KALRN: variants seen among roughly 807,000 people sequenced by gnomAD.
KALRN encodes kalirin.
KALRN carries 70 observed loss-of-function variants against 353.7 expected under a neutral mutation model. That is an observed-to-expected ratio of 0.20 (90% confidence interval 0.16 to 0.24). The LOEUF is 0.24. Among genes scored for constraint, KALRN ranks in the 10% least tolerant of loss-of-function variants. KALRN has a pLI of 1.00. For synonymous variants in KALRN, 1,391 were observed against 1,434.8 expected (o/e 0.97, Z 0.69); for missense variants, 2,791 against 3,756.7 (o/e 0.74, Z 6.72).
intron 1 of KALRN, among the ~76,000 whole-genome samples, chr3:124,048,684 C>T (rs1042960499): frequency 2.6e-5 from 4 of 152,060 alleles, no homozygotes; most frequent in Non-Finnish European, 4.4e-5. Context: ...GGGGTTTCAC[C>T]GTGTTAGCCA....
At chr3:124,051,942 C>A (rs1559875174) in intron 1 of KALRN, among the ~76,000 whole-genome samples, 2 of 152,164 alleles carry the variant, frequency 1.3e-5, no homozygotes, top group East Asian at 1.9e-4. Flanking sequence ...GCAAGTGTGT[C>A]CCTCTCTGAG....
chr3:124,488,321 TG>T lies in KALRN; in HGVS notation c.4396+7del. On this transcript the variant is annotated splice_region_variant and intron_variant, in intron 29 of 59. Transcript: ENST00000682506. ...GCATGTCAGCATGCTGGAAGGTAGC[TG>T]TCCTCCCAGCACTGGGGAAGCCTCC... is the stretch of plus-strand genomic sequence containing the variant. 1 of 1,579,336 alleles carries T rather than the reference TG, an allele frequency of 6.3e-7. No homozygotes were observed.
intron 3 of KALRN, among the ~76,000 whole-genome samples, chr3:124,261,683 C>G (rs1560393422): frequency 1.3e-5 from 2 of 152,154 alleles, no homozygotes; most frequent in African/African-American, 2.4e-5. Flanking sequence ...GGTAGCAACA[C>G]AGAATATTTG....
At chr3:124,217,453 T>A (rs1173371756) in intron 1 of KALRN, among the ~76,000 whole-genome samples, 1 of 152,186 alleles carries the variant, frequency 6.6e-6, no homozygotes, top group East Asian at 1.9e-4. Flanking sequence ...TTCCATGGGA[T>A]CTGTGTATGT....
At chr3:124,415,576 G>T (rs2092449640) in intron 14 of KALRN, among the ~76,000 whole-genome samples, 1 of 152,222 alleles carries the variant, frequency 6.6e-6, no homozygotes, top group Non-Finnish European at 1.5e-5. Flanking sequence ...TTAAAGCCCT[G>T]TACACAAGAG....
chr3:124,298,951 G>A (rs747021896), intron 6 of KALRN, 38 bp downstream of exon 6: 2 of 1,613,308 alleles, frequency 1.2e-6, no homozygotes, highest in Non-Finnish European at 1.7e-6. Flanking sequence ...GCCTCTGGGA[G>A]TGGGAGAGTG....
intron 33 of KALRN, among the ~76,000 whole-genome samples, chr3:124,535,802 C>G (rs764583371): frequency 6.6e-6 from 1 of 152,026 alleles, no homozygotes; most frequent in Non-Finnish European, 1.5e-5. Context: ...TTTCACATAA[C>G]AGATAACTGC....
chr3:124,468,076 C>A (rs529154546), intron 25 of KALRN, among the ~76,000 whole-genome samples: 1 of 152,102 alleles, frequency 6.6e-6, no homozygotes, highest in South Asian at 2.1e-4. Context: ...TAGACCTTCC[C>A]AGAGCTACCA....
chr3:124,287,422 C>T (rs561305763), intron 5 of KALRN, among the ~76,000 whole-genome samples: 1 of 151,944 alleles, frequency 6.6e-6, no homozygotes, highest in East Asian at 1.9e-4. Context: ...CTTACCAGTC[C>T]CTGAACGCTG....
intron 32 of KALRN, among the ~76,000 whole-genome samples, chr3:124,495,957 G>GTGTA (rs1377097482): frequency 5.4e-4 from 24 of 44,228 alleles, no homozygotes; most frequent in Admixed American, 1.0e-3. Context: ...GTGTGTATGT[G>GTGTA]TATGTATGTA....
intron 17 of KALRN, 83 bp from the exon 18 acceptor site, chr3:124,438,805 G>A (rs1007306279): frequency 1.8e-5 from 22 of 1,246,892 alleles, no homozygotes; most frequent in East Asian, 2.5e-5. Context: ...TGTCATATGT[G>A]TAGGCTTCTA....
intron 38 of KALRN, 151 bp downstream of exon 38, chr3:124,651,089 T>C: frequency 4.3e-6 from 4 of 933,544 alleles, no homozygotes; most frequent in Non-Finnish European, 6.2e-6. Flanking sequence ...ATAGCACTGA[T>C]AAACATTGAG....
At chr3:124,395,813 G>A (rs953167425) in intron 12 of KALRN, among the ~76,000 whole-genome samples, 1 of 152,110 alleles carries the variant, frequency 6.6e-6, no homozygotes, top group African/African-American at 2.4e-5. Flanking sequence ...AAAAAAGTGT[G>A]GTGGTGTCCT....
intron 14 of KALRN, among the ~76,000 whole-genome samples, chr3:124,419,826 G>A (rs2092695937): frequency 6.6e-6 from 1 of 152,202 alleles, no homozygotes; most frequent in Non-Finnish European, 1.5e-5. Flanking sequence ...TCCGCTACTT[G>A]ATGGAAAGAG....
intron 34 of KALRN, among the ~76,000 whole-genome samples, chr3:124,599,514 G>C (rs2076592747): frequency 1.3e-5 from 2 of 152,168 alleles, no homozygotes; most frequent in Non-Finnish European, 2.9e-5. Context: ...TCTGTTCTGA[G>C]GCATTGCCAT....
chr3:124,240,658 T>C (rs1382753308), intron 3 of KALRN, among the ~76,000 whole-genome samples: 1 of 151,984 alleles, frequency 6.6e-6, no homozygotes, highest in Admixed American at 6.6e-5. Context: ...AGAAGCCAGA[T>C]GACAGGGGAG....
In KALRN at chr3:124,177,641, G is replaced by C. The variant is rs567025543; in HGVS notation, c.74-50349G>C. ...CTGGACTGGCTATAGTCTAGTAAAA[G>C]CATCAAGAATGGCAGCTAATTTGGA... On this transcript the variant is annotated intron_variant, in intron 1 of 59. Transcript: ENST00000682506. 4.6e-5 allele frequency among the ~76,000 whole-genome samples: 7 copies of C among 152,310 alleles called. No homozygotes were observed. In the South Asian group the frequency reaches 1.5e-3, roughly 32 times the overall value.
intron 34 of KALRN, among the ~76,000 whole-genome samples, chr3:124,626,188 AT>A (rs759177238): frequency 6.6e-6 from 1 of 152,246 alleles, no homozygotes; most frequent in Non-Finnish European, 1.5e-5. Context: ...CTACATTATG[AT>A]AATTATATAA....
At chr3:124,456,546 C>T in intron 22 of KALRN, 64 bp from the exon 23 acceptor site, 1 of 1,164,964 alleles carries the variant, frequency 8.6e-7, no homozygotes, top group Non-Finnish European at 1.3e-6. Context: ...CCACCTCCCT[C>T]AACTCCAGTG....
Sources: gnomAD v4.1 joint callset for allele counts (sites outside exome capture counted in the v4.1 genomes callset) on GRCh38, gnomAD v4.1.1 for gene constraint, MANE v1.5 for transcripts, NCBI Gene and HGNC (gene_info 2026-07-23, HGNC 2026-07-21) for gene names.